EPB41: variants seen among roughly 807,000 people sequenced by gnomAD.
EPB41 encodes erythrocyte membrane protein band 4.1.
Under a neutral mutation model 108.0 loss-of-function variants are expected in EPB41, and 65 were observed. The ratio of observed to expected loss-of-function variants is 0.60; its 90% CI spans 0.49 to 0.74. EPB41 has a LOEUF of 0.74. Among genes scored for constraint, EPB41 ranks in the 30% least tolerant of loss-of-function variants. The pLI, the probability that EPB41 is intolerant of heterozygous loss-of-function variation, is 0.00. For missense variants in EPB41, 875 were observed against 1,037.0 expected, an observed-to-expected ratio of 0.84 and a Z score of 2.15; for synonymous variants, 336 against 358.9, an observed-to-expected ratio of 0.94 and a Z score of 0.72.
chr1:29,085,141 C>CTT (rs527593950), intron 16 of EPB41, among the ~76,000 whole-genome samples: 1,440 of 117,294 alleles, frequency 0.012, 28 homozygotes, highest in Middle Eastern at 0.019. Context: ...CTTTGATCTT[C>CTT]TTTTTTTTTT....
At chr1:28,933,954 T>C (rs2093871842) in intron 1 of EPB41, among the ~76,000 whole-genome samples, 1 of 152,220 alleles carries the variant, frequency 6.6e-6, no homozygotes, top group African/African-American at 2.4e-5. Context: ...TACATTATTG[T>C]TAACTAAAGT....
chr1:28,996,342 C>T (rs2096175737), intron 3 of EPB41, among the ~76,000 whole-genome samples: 2 of 152,226 alleles, frequency 1.3e-5, no homozygotes. Context: ...GAAGGAGCCA[C>T]TTCAACAGGT....
chr1:28,889,762 C>T, intron 1 of EPB41: 1 of 981,320 alleles, frequency 1.0e-6, no homozygotes, highest in South Asian at 4.7e-5. Context: ...GAGAGGAATC[C>T]TGAGCCCAGG....
intron 16 of EPB41, among the ~76,000 whole-genome samples, chr1:29,094,535 C>T (rs1662521900): frequency 6.6e-6 from 1 of 152,164 alleles, no homozygotes; most frequent in Non-Finnish European, 1.5e-5. Context: ...GCCTCAGCCT[C>T]CCAGAGTGCT....
At chr1:28,895,749 A>G (rs780088588) in intron 1 of EPB41, among the ~76,000 whole-genome samples, 1 of 152,090 alleles carries the variant, frequency 6.6e-6, no homozygotes, top group African/African-American at 2.4e-5. Flanking sequence ...CAGCCTCTCA[A>G]AGTGCTGGGA....
At chr1:29,067,833 G>A (rs1262873059) in intron 16 of EPB41, among the ~76,000 whole-genome samples, 2 of 152,112 alleles carry the variant, frequency 1.3e-5, no homozygotes, top group African/African-American at 2.4e-5. Flanking sequence ...ATGACAGGAC[G>A]CTATTGTTTC....
intron 7 of EPB41, among the ~76,000 whole-genome samples, chr1:29,022,427 A>G (rs1247683404): frequency 1.3e-5 from 2 of 151,788 alleles, no homozygotes; most frequent in African/African-American, 4.8e-5. Flanking sequence ...GTAATACCAG[A>G]AAAGAATATT....
At chr1:28,997,411 C>A in intron 4 of EPB41, 92 bp downstream of exon 4, 1 of 800,020 alleles carries the variant, frequency 1.2e-6, no homozygotes, top group Non-Finnish European at 2.2e-6. Context: ...CTTCTCTAAG[C>A]CAGTGTTCTT....
upstream of EPB41, among the ~76,000 whole-genome samples, chr1:28,911,427 G>C (rs2092251232): frequency 6.6e-6 from 1 of 152,192 alleles, no homozygotes; most frequent in South Asian, 2.1e-4. Context: ...GCCTTTTGCT[G>C]TTAGCCTGAG....
intron 4 of EPB41, among the ~76,000 whole-genome samples, chr1:28,999,794 T>C (rs1572197845): frequency 2.6e-5 from 4 of 152,134 alleles, no homozygotes; most frequent in Admixed American, 1.3e-4. Flanking sequence ...GTTTTCACTT[T>C]TTTTTTTGAG....
chr1:29,077,380 G>C (rs2151193854), intron 16 of EPB41, among the ~76,000 whole-genome samples: 1 of 152,014 alleles, frequency 6.6e-6, no homozygotes, highest in East Asian at 1.9e-4. Context: ...AGTCCAGCCT[G>C]GGCAACATAG....
At chr1:28,927,420 G>T (rs1021847377) in intron 1 of EPB41, among the ~76,000 whole-genome samples, 1 of 151,952 alleles carries the variant, frequency 6.6e-6, no homozygotes, top group South Asian at 2.1e-4. Flanking sequence ...GTTCGTGTTG[G>T]GTATCTGTTC....
chr1:29,011,135 A>AG (rs2096493925), intron 4 of EPB41, among the ~76,000 whole-genome samples: 1 of 151,000 alleles, frequency 6.6e-6, no homozygotes, highest in Non-Finnish European at 1.5e-5. Flanking sequence ...AAAAAAAAAA[A>AG]AAAGAAAAAA....
At chr1:29,000,788 A>C (rs1178871794) in intron 4 of EPB41, among the ~76,000 whole-genome samples, 1 of 151,864 alleles carries the variant, frequency 6.6e-6, no homozygotes, top group Admixed American at 6.6e-5. Context: ...TAAGTTTATC[A>C]TGGTAAACCT....
At chr1:29,071,224 A>G (rs981667596) in intron 16 of EPB41, 2 of 152,208 alleles carry the variant, frequency 1.3e-5, no homozygotes, top group African/African-American at 4.8e-5. Context: ...TGAGCTGTAC[A>G]GGGACAGACA....
chr1:29,030,503 C>T lies in EPB41; in HGVS notation c.1212+16C>T. ...TAAAGCAAAGGTAATGATAACTTTG[C>T]CCTTTATTAATATGCATGTGGAAGA... is the stretch of plus-strand genomic sequence containing the variant. On this transcript the variant is annotated intron_variant, in intron 8 of 20. Coordinates refer to ENST00000343067, the MANE Select transcript of EPB41 (RefSeq NM_001376013.1). 3 of 1,589,836 alleles carry T rather than the reference C, an allele frequency of 1.9e-6. No individual in the cohort carries two copies. Among genetic ancestry groups the T allele is most frequent in the Non-Finnish European group, 2.6e-6 (3 of 1,157,994 alleles).
chr1:29,045,489 G>A (rs886339909), intron 11 of EPB41, among the ~76,000 whole-genome samples: 16 of 151,080 alleles, frequency 1.1e-4, no homozygotes, highest in Non-Finnish European at 2.4e-4. Context: ...AAGTAGCTAG[G>A]ACTACAGGTG....
intron 1 of EPB41, among the ~76,000 whole-genome samples, chr1:28,935,589 AAATAGAGCTTCC>A (rs943554074): frequency 1.3e-5 from 2 of 151,328 alleles, no homozygotes; most frequent in African/African-American, 2.4e-5. Context: ...CATCTTCTTC[AAATAGAGCTTCC>A]ATCGAGTAGG....
chr1:29,085,978 C>A (rs1383762719), intron 16 of EPB41, among the ~76,000 whole-genome samples: 1 of 152,008 alleles, frequency 6.6e-6, no homozygotes, highest in Non-Finnish European at 1.5e-5. Flanking sequence ...CTACTTTTTT[C>A]TTTTAGAAGC....
Sources: gnomAD v4.1 joint callset for allele counts (sites outside exome capture counted in the v4.1 genomes callset) on GRCh38, gnomAD v4.1.1 for gene constraint, MANE v1.5 for transcripts, NCBI Gene and HGNC (gene_info 2026-07-23, HGNC 2026-07-21) for gene names.